KCNAB1: variants seen among roughly 807,000 people sequenced by gnomAD.
KCNAB1 encodes voltage-gated potassium channel subunit beta-1.
In KCNAB1, 35 loss-of-function variants were observed where a neutral mutation model predicts 64.6. The ratio of observed to expected loss-of-function variants is 0.54; its 90% CI spans 0.41 to 0.72. The LOEUF (loss-of-function observed/expected upper bound fraction) is 0.72. KCNAB1 is among the 30% of genes least tolerant of loss of function. The probability of loss-of-function intolerance (pLI) is 0.00; values close to 1 mark genes in which losing one functional copy is unlikely to be tolerated. For missense variants in KCNAB1, 401 were observed against 512.9 expected, an observed-to-expected ratio of 0.78 and a Z score of 2.11; for synonymous variants, 177 against 183.8, an observed-to-expected ratio of 0.96 and a Z score of 0.30.
At chr3:156,367,815 C>A (rs942733104) in intron 1 of KCNAB1, among the ~76,000 whole-genome samples, 2 of 151,406 alleles carry the variant, frequency 1.3e-5, no homozygotes, top group Admixed American at 6.6e-5. Context: ...GCAAAGAGAT[C>A]TTTTCTTTTT....
intron 1 of KCNAB1, among the ~76,000 whole-genome samples, chr3:156,149,871 G>T (rs1215463144): frequency 6.6e-6 from 1 of 152,120 alleles, no homozygotes; most frequent in Non-Finnish European, 1.5e-5. Context: ...TTCATCATGT[G>T]TTCTTGTGAC....
intron 1 of KCNAB1, among the ~76,000 whole-genome samples, chr3:156,172,389 C>G (rs1485594367): frequency 6.6e-6 from 1 of 151,688 alleles, no homozygotes; most frequent in African/African-American, 2.4e-5. Flanking sequence ...AAGCAATTCT[C>G]GTGCCTCAGC....
intron 1 of KCNAB1, among the ~76,000 whole-genome samples, chr3:156,334,413 T>TGG (rs1723544892): frequency 1.3e-5 from 2 of 152,180 alleles, no homozygotes; most frequent in African/African-American, 2.4e-5. Context: ...TGGAAGGGCC[T>TGG]TCTCTTTCCT....
At chr3:156,353,856 C>T (rs1315596923) in intron 1 of KCNAB1, among the ~76,000 whole-genome samples, 1 of 152,120 alleles carries the variant, frequency 6.6e-6, no homozygotes, top group Non-Finnish European at 1.5e-5. Context: ...TTGCGACATT[C>T]TATTTGCTAG....
At position 156,193,947 on chromosome 3, in the gene KCNAB1, T is replaced by C. The variant is rs188770399; in HGVS notation, c.275+73061T>C. Among the ~76,000 whole-genome samples the C allele has an allele frequency of 5.3e-5, 8 of 152,282 alleles. No homozygotes were observed. In the East Asian group the frequency reaches 1.2e-3, roughly 22 times the overall value. ...CATCATAAGTTGAAAAGCATTCATA[T>C]ATCTTTAATTTATTATAGTTAACTT... On this transcript the variant is annotated intron_variant, in intron 1 of 13. Transcript: ENST00000490337.
intron 8 of KCNAB1, among the ~76,000 whole-genome samples, chr3:156,479,190 C>T (rs7609737): frequency 0.56 from 84,427 of 151,980 alleles, 24,646 homozygotes; most frequent in African/African-American, 0.74. Context: ...ATCCCATTTC[C>T]TCCTTCTTAT....
chr3:156,379,175 G>A (rs550466506), intron 1 of KCNAB1, among the ~76,000 whole-genome samples: 6 of 152,148 alleles, frequency 3.9e-5, no homozygotes, highest in Non-Finnish European at 8.8e-5. Flanking sequence ...GAGAAGAGTC[G>A]GGATCCTGTC....
chr3:156,396,230 A>G (rs1241299945), intron 1 of KCNAB1, among the ~76,000 whole-genome samples: 1 of 152,190 alleles, frequency 6.6e-6, no homozygotes, highest in Non-Finnish European at 1.5e-5. Context: ...ATGCATAGCT[A>G]GCACTAACCT....
chr3:156,152,900 T>G (rs1333725061), intron 1 of KCNAB1, among the ~76,000 whole-genome samples: 2 of 152,250 alleles, frequency 1.3e-5, no homozygotes, highest in African/African-American at 4.8e-5. Flanking sequence ...CGTTGTAACT[T>G]CTTTGTAACA....
intron 12 of KCNAB1, among the ~76,000 whole-genome samples, chr3:156,528,894 A>G (rs1351277468): frequency 2.0e-5 from 3 of 152,174 alleles, no homozygotes; most frequent in Non-Finnish European, 4.4e-5. Context: ...TATGTCAGGC[A>G]CTAGCTAGGG....
intron 2 of KCNAB1, among the ~76,000 whole-genome samples, chr3:156,424,298 A>G (rs75280661): frequency 0.023 from 3,435 of 152,262 alleles, 52 homozygotes; most frequent in African/African-American, 0.036. Flanking sequence ...GCATGTGTGA[A>G]GGGGTATTTC....
intron 11 of KCNAB1, among the ~76,000 whole-genome samples, chr3:156,523,462 T>C (rs1344641813): frequency 6.6e-6 from 1 of 150,926 alleles, no homozygotes; most frequent in Non-Finnish European, 1.5e-5. Flanking sequence ...TGGTAAGTTG[T>C]AAATGTACTT....
intron 1 of KCNAB1, among the ~76,000 whole-genome samples, chr3:156,192,951 T>G (rs547918150): frequency 1.3e-5 from 2 of 152,228 alleles, no homozygotes; most frequent in East Asian, 3.9e-4. Flanking sequence ...ATCTCCATAC[T>G]TTCTAATTGG....
chr3:156,395,368 A>AC (rs774496247), intron 1 of KCNAB1, among the ~76,000 whole-genome samples: 1 of 149,020 alleles, frequency 6.7e-6, no homozygotes, highest in Admixed American at 6.6e-5. Context: ...AAACGGTGAA[A>AC]CCCCGTCTCT....
At chr3:156,485,759 T>C (rs1715159521) in intron 8 of KCNAB1, among the ~76,000 whole-genome samples, 1 of 152,060 alleles carries the variant, frequency 6.6e-6, no homozygotes, top group African/African-American at 2.4e-5. Flanking sequence ...CTCCCCTCTT[T>C]TGGAGTCCCC....
chr3:156,384,309 A>G (rs1712404053), intron 1 of KCNAB1, among the ~76,000 whole-genome samples: 1 of 152,174 alleles, frequency 6.6e-6, no homozygotes, highest in Non-Finnish European at 1.5e-5. Context: ...AACTTTCAGA[A>G]AATACTTCTG....
At chr3:156,402,860 T>C (rs1039828600) in intron 1 of KCNAB1, among the ~76,000 whole-genome samples, 2 of 152,234 alleles carry the variant, frequency 1.3e-5, no homozygotes, top group African/African-American at 4.8e-5. Flanking sequence ...ACTATAACTA[T>C]GAATATTATT....
At chr3:156,453,519 A>G (rs1310270683) in intron 3 of KCNAB1, among the ~76,000 whole-genome samples, 2 of 152,238 alleles carry the variant, frequency 1.3e-5, no homozygotes, top group Admixed American at 6.5e-5. Context: ...TCCTCTGACT[A>G]GTAGGTAGCA....
chr3:156,474,881 T>C, intron 8 of KCNAB1, 61 bp downstream of exon 8: 1 of 1,217,592 alleles, frequency 8.2e-7, no homozygotes, highest in Non-Finnish European at 1.2e-6. Flanking sequence ...GGGCTTATTC[T>C]GCTCACAGCA....
Sources: allele counts gnomAD v4.1 joint callset (sites outside exome capture counted in the v4.1 genomes callset), GRCh38; gene constraint gnomAD v4.1.1; transcripts MANE v1.5; gene names NCBI Gene and HGNC (gene_info 2026-07-23, HGNC 2026-07-21).